The following SMAP2 variants were observed in gnomAD, a reference collection of about 807,000 sequenced individuals.
SMAP2 encodes stromal membrane-associated protein 2.
In SMAP2, 25 loss-of-function variants were observed where a neutral mutation model predicts 56.4. The ratio of observed to expected loss-of-function variants is 0.44; its 90% CI spans 0.32 to 0.62. SMAP2 has a LOEUF of 0.62. Ranked by LOEUF, SMAP2 falls within the 20% of genes least tolerant of loss-of-function variation. SMAP2 has a pLI of 0.04. For missense variants in SMAP2, 388 were observed against 545.6 expected, an observed-to-expected ratio of 0.71 and a Z score of 2.88; for synonymous variants, 157 against 181.7, an observed-to-expected ratio of 0.86 and a Z score of 1.09.
chr1:40,401,384 T>C (rs1024276178), intron 1 of SMAP2, among the ~76,000 whole-genome samples: 2 of 152,188 alleles, frequency 1.3e-5, no homozygotes, highest in African/African-American at 4.8e-5. Context: ...GGATGGAAGA[T>C]GGGAAAGTTC....
At chr1:40,412,296 C>T (rs1467535600) in intron 4 of SMAP2, among the ~76,000 whole-genome samples, 1 of 152,174 alleles carries the variant, frequency 6.6e-6, no homozygotes, top group African/African-American at 2.4e-5. Flanking sequence ...CCATTTTACT[C>T]TCTCTTCTCA....
intron 2 of SMAP2, among the ~76,000 whole-genome samples, chr1:40,366,538 G>A (rs1644481763): frequency 8.1e-6 from 1 of 123,636 alleles, no homozygotes; most frequent in Non-Finnish European, 1.7e-5. Flanking sequence ...AGAGAGTGGG[G>A]GCCAATATTC....
intron 8 of SMAP2, 28 bp from the exon 9 acceptor site, chr1:40,416,752 C>A: frequency 6.3e-7 from 1 of 1,575,818 alleles, no homozygotes; most frequent in Non-Finnish European, 8.7e-7. Context: ...CCCTCTTTAA[C>A]CAACCTGTAT....
intron 1 of SMAP2, among the ~76,000 whole-genome samples, chr1:40,376,726 T>G (rs1644544448): frequency 6.6e-6 from 1 of 152,200 alleles, no homozygotes; most frequent in South Asian, 2.1e-4. Flanking sequence ...TAAAAAGTGT[T>G]GGCTAAAATG....
intron 9 of SMAP2, among the ~76,000 whole-genome samples, chr1:40,419,200 G>A (rs1317290905): frequency 6.6e-6 from 1 of 151,730 alleles, no homozygotes; most frequent in African/African-American, 2.4e-5. Flanking sequence ...CAAGGACATT[G>A]CTAAAAAGTA....
At chr1:40,375,499 T>C (rs1352013164) in intron 1 of SMAP2, among the ~76,000 whole-genome samples, 3 of 152,236 alleles carry the variant, frequency 2.0e-5, no homozygotes, top group Admixed American at 6.5e-5. Flanking sequence ...CACCTAGTAA[T>C]GTATTTTAGT....
At chr1:40,354,156 C>T (rs781535341) in intron 1 of SMAP2, among the ~76,000 whole-genome samples, 2 of 151,974 alleles carry the variant, frequency 1.3e-5, no homozygotes, top group African/African-American at 4.8e-5. Flanking sequence ...CATTCAAAGG[C>T]CTTCTGAACT....
intron 1 of SMAP2, among the ~76,000 whole-genome samples, chr1:40,348,451 T>C (rs1351963544): frequency 6.6e-6 from 1 of 152,094 alleles, no homozygotes; most frequent in Non-Finnish European, 1.5e-5. Flanking sequence ...TCCTAGCACT[T>C]TGGGAGGCCG....
chr1:40,374,604 T>TGC lies in SMAP2; in HGVS notation c.103+382_103+383insCG. Reference sequence around the variant, plus strand: ...GCGTGCGTGCGTGCGTGCGTGTGTGTGTGTGTGTGTGTGTGTGTGTGAGAG... The same window carrying TGC: ...GCGTGCGTGCGTGCGTGCGTGTGTGTGCGTGTGTGTGTGTGTGTGTGTGAGAG... On this transcript the variant is annotated intron_variant, in intron 1 of 9. Coordinates refer to ENST00000372718, the MANE Select transcript of SMAP2 (RefSeq NM_022733.3). The surrounding 1 kb of genome is among the most constrained non-coding windows in gnomAD (Gnocchi z 5.9). 8.1e-7 allele frequency: 1 copy of TGC among 1,228,930 alleles called. No homozygotes were observed. Among genetic ancestry groups the TGC allele is most frequent in the East Asian group, 2.9e-5 (1 of 34,732 alleles). The allele number at this position is 1,228,930 out of a possible 1,614,324, so 76.1% of individuals were successfully genotyped here.
intron 1 of SMAP2, among the ~76,000 whole-genome samples, chr1:40,353,070 T>A (rs1557820948): frequency 3.9e-5 from 6 of 152,200 alleles, no homozygotes; most frequent in Admixed American, 2.6e-4. Context: ...CCAGCACCCA[T>A]CTCTCTTGCT....
chr1:40,393,666 C>T (rs895685924), intron 1 of SMAP2, among the ~76,000 whole-genome samples: 1 of 151,304 alleles, frequency 6.6e-6, no homozygotes, highest in Non-Finnish European at 1.5e-5. Context: ...CTGCCTCAGC[C>T]TCCTGAATAG....
chr1:40,418,215 CA>C (rs1453866619), intron 9 of SMAP2, among the ~76,000 whole-genome samples: 2 of 151,926 alleles, frequency 1.3e-5, no homozygotes, highest in African/African-American at 4.8e-5. Context: ...TTACTAAACT[CA>C]GAAAAGAAAT....
chr1:40,417,834 C>G (rs578244390), intron 9 of SMAP2, among the ~76,000 whole-genome samples: 4 of 152,152 alleles, frequency 2.6e-5, no homozygotes, highest in African/African-American at 9.6e-5. Flanking sequence ...CTTCCCTCTT[C>G]CAAAATAACC....
intron 1 of SMAP2, among the ~76,000 whole-genome samples, chr1:40,384,056 C>A (rs1173550661): frequency 6.6e-6 from 1 of 152,040 alleles, no homozygotes; most frequent in Non-Finnish European, 1.5e-5. Flanking sequence ...ACCTCCATGC[C>A]CAGCTAATTA....
intron 9 of SMAP2, among the ~76,000 whole-genome samples, chr1:40,420,920 A>G (rs1353767899): frequency 1.3e-5 from 2 of 152,236 alleles, no homozygotes; most frequent in South Asian, 2.1e-4. Context: ...CATGTACATT[A>G]GAATATGGTG....
At chr1:40,360,872 A>G (rs1184379951) in intron 1 of SMAP2, among the ~76,000 whole-genome samples, 1 of 152,196 alleles carries the variant, frequency 6.6e-6, no homozygotes, top group African/African-American at 2.4e-5. Context: ...TCACCACCCC[A>G]GGCCAAAGTG....
At chr1:40,402,671 C>T (rs900372183) in intron 1 of SMAP2, among the ~76,000 whole-genome samples, 2 of 151,896 alleles carry the variant, frequency 1.3e-5, no homozygotes, top group South Asian at 2.1e-4. Flanking sequence ...GGCTGACTAA[C>T]TGTATTTTTG....
intron 4 of SMAP2, among the ~76,000 whole-genome samples, chr1:40,412,400 T>G (rs1159751023): frequency 6.6e-6 from 1 of 152,240 alleles, no homozygotes; most frequent in Non-Finnish European, 1.5e-5. Context: ...TTGCATTTTT[T>G]ATCACTGGCA....
chr1:40,374,644 TGAC>T lies in SMAP2; in HGVS notation c.103+424_103+426del, dbSNP rs1347072468. 8 of 1,472,558 alleles carry T rather than the reference TGAC, an allele frequency of 5.4e-6. No homozygotes were observed. Among genetic ancestry groups the T allele is most frequent in the Non-Finnish European group, 7.4e-6 (8 of 1,084,860 alleles). The allele number at this position is 1,472,558 out of a possible 1,614,324, so 91.2% of individuals were successfully genotyped here. ...GTGTGTGAGAGAGAGAGAGAGAGAA[TGAC>T]GAGGAGGAGGAGGAGGGAAGTGAGA... On this transcript the variant is annotated intron_variant, in intron 1 of 9. Coordinates refer to ENST00000372718, the MANE Select transcript of SMAP2 (RefSeq NM_022733.3). This position sits in a 1 kb window ranked among gnomAD's most constrained non-coding sequence, Gnocchi z 5.9.
Sources: allele counts gnomAD v4.1 joint callset (sites outside exome capture counted in the v4.1 genomes callset), GRCh38; gene constraint gnomAD v4.1.1; non-coding constraint Gnocchi (gnomAD v3.1); transcripts MANE v1.5; gene names NCBI Gene and HGNC (gene_info 2026-07-23, HGNC 2026-07-21).